The following SCN1A variants were observed in gnomAD, a reference collection of about 807,000 sequenced individuals.
SCN1A encodes the protein sodium channel protein type 1 subunit alpha.
In SCN1A, 13 loss-of-function variants were observed where a neutral mutation model predicts 193.7. That is an observed-to-expected ratio of 0.07 (90% CI 0.04 to 0.11). The LOEUF is 0.11. SCN1A is among the 10% of genes least tolerant of loss of function. The pLI, the probability that SCN1A is intolerant of heterozygous loss-of-function variation, is 1.00. For missense variants in SCN1A, 1,432 were observed against 2,451.1 expected (o/e 0.58, Z 8.78); for synonymous variants, 781 against 843.6 (o/e 0.93, Z 1.29).
At chr2:166,103,848 A>G (rs1688405595) in intron 2 of SCN1A, among the ~76,000 whole-genome samples, 1 of 152,260 alleles carries the variant, frequency 6.6e-6, no homozygotes, top group Non-Finnish European at 1.5e-5. Context: ...ATATATTATT[A>G]TCACTATTTT....
At position 166,073,632 on chromosome 2, in the gene SCN1A, T is replaced by C. The variant is rs1430509701; in HGVS notation, c.-11A>G. On this transcript the variant is annotated 5_prime_UTR_variant, in exon 4 of 29. Coordinates refer to ENST00000674923, the MANE Select transcript of SCN1A (RefSeq NM_001165963.4). ...CACTGTTTGCTCCATCTTGTCATCC[T>C]GCACATTTTAATTACCATTTATTCT... The C allele has an allele frequency of 6.2e-7, 1 of 1,613,940 alleles. No individual in the cohort carries two copies. Among genetic ancestry groups the C allele is most frequent in the Non-Finnish European group, 8.5e-7 (1 of 1,179,958 alleles).
chr2:166,020,702 A>T (rs1489263870), intron 19 of SCN1A, among the ~76,000 whole-genome samples: 1 of 152,240 alleles, frequency 6.6e-6, no homozygotes, highest in African/African-American at 2.4e-5. Flanking sequence ...CATGTACATT[A>T]AAAAACCATA....
intron 24 of SCN1A, 96 bp downstream of exon 24, chr2:166,002,376 T>G (rs1331032966): frequency 3.9e-6 from 5 of 1,269,386 alleles, no homozygotes; most frequent in Non-Finnish European, 5.4e-6. Context: ...GAAAGAAATA[T>G]ATACTTTTTC....
At chr2:166,009,446 T>G in intron 23 of SCN1A, 1 of 239,622 alleles carries the variant, frequency 4.2e-6, no homozygotes, top group Non-Finnish European at 8.3e-6. Flanking sequence ...CAGCTTTTTT[T>G]TGTATATAGA....
At chr2:166,036,576 G>A (rs547412744) in intron 18 of SCN1A, 46 bp from the exon 19 acceptor site, 21 of 1,575,634 alleles carry the variant, frequency 1.3e-5, no homozygotes, top group Admixed American at 3.4e-5. Context: ...CCAATGTAGG[G>A]AAGAGCAGAT....
intron 2 of SCN1A, among the ~76,000 whole-genome samples, chr2:166,107,339 C>T (rs908909790): frequency 1.3e-5 from 2 of 152,048 alleles, no homozygotes; most frequent in African/African-American, 2.4e-5. Context: ...TTCACTGTAT[C>T]GTGCAAAGTA....
At chr2:166,132,049 G>T (rs1012789839), upstream of SCN1A, among the ~76,000 whole-genome samples, 5 of 152,128 alleles carry the variant, frequency 3.3e-5, no homozygotes, top group Admixed American at 6.5e-5. Flanking sequence ...TCTTCCCACC[G>T]CAGGAAAGGA....
chr2:166,052,486 CTT>C (rs1222893833), intron 8 of SCN1A, among the ~76,000 whole-genome samples: 1 of 151,878 alleles, frequency 6.6e-6, no homozygotes, highest in East Asian at 1.9e-4. Flanking sequence ...ATTCCCTTCT[CTT>C]TTGTTAGCAA....
intron 19 of SCN1A, among the ~76,000 whole-genome samples, chr2:166,019,673 A>C (rs547798320): frequency 2.0e-5 from 3 of 152,262 alleles, no homozygotes; most frequent in African/African-American, 2.4e-5. Flanking sequence ...TTGTTTAACT[A>C]TAAATAAAAA....
chr2:166,074,225 A>G (rs138442559), intron 3 of SCN1A, among the ~76,000 whole-genome samples: 189 of 152,332 alleles, frequency 1.2e-3, no homozygotes, highest in Non-Finnish European at 2.1e-3. Flanking sequence ...AACTGGAACT[A>G]TGTCCTGCTC....
At chr2:166,014,963 A>G (rs914550543) in intron 20 of SCN1A, among the ~76,000 whole-genome samples, 2 of 151,772 alleles carry the variant, frequency 1.3e-5, no homozygotes, top group African/African-American at 4.8e-5. Context: ...TGATTTGTAT[A>G]GGGAATAGAA....
intron 2 of SCN1A, among the ~76,000 whole-genome samples, chr2:166,084,546 G>C (rs1685892229): frequency 6.6e-6 from 1 of 152,048 alleles, no homozygotes; most frequent in African/African-American, 2.4e-5. Flanking sequence ...GGCAATAATG[G>C]GAGAAAAAAT....
chr2:166,103,854 A>G (rs1286332401), intron 2 of SCN1A, among the ~76,000 whole-genome samples: 1 of 152,218 alleles, frequency 6.6e-6, no homozygotes, highest in Non-Finnish European at 1.5e-5. Flanking sequence ...TATTATCACT[A>G]TTTTACAGAT....
chr2:166,058,575 T>C lies in SCN1A; in HGVS notation c.378A>G (p.Val126=). The C allele has an allele frequency of 7.1e-6, 11 of 1,557,762 alleles. No individual in the cohort carries two copies. The highest frequency in any genetic ancestry group is 9.7e-6 in the Non-Finnish European group (11 of 1,129,330). Residue 126 remains valine, a synonymous_variant, in exon 5 of 29, where the codon GTA becomes GTG. Transcript: ENST00000674923. The stretch of plus-strand genomic sequence containing the variant: ...AATCACTTGAAAAAGGATATGAATG[T>C]ACCAAAATCTTAATAGCTATTTTCC... The part of the protein sequence containing the change: ...PLRKIAIKIL[V]HSLFSMLIMC...
chr2:166,085,374 C>T (rs1254653344), intron 2 of SCN1A, among the ~76,000 whole-genome samples: 3 of 152,112 alleles, frequency 2.0e-5, no homozygotes, highest in South Asian at 2.1e-4. Context: ...CTGCTGCAGC[C>T]AGAAGGATGT....
At chr2:166,015,476 A>G (rs896511626) in intron 20 of SCN1A, 131 bp downstream of exon 20, 43 of 1,102,494 alleles carry the variant, frequency 3.9e-5, no homozygotes, top group Non-Finnish European at 5.4e-5. Flanking sequence ...TTGTCTGTCA[A>G]CATATTAGAG....
Position 165,988,287 on chromosome 2 carries a change from C to A in SCN1A, c.*2958G>T, listed in dbSNP as rs925886294. ...CTGAAGCAAGGCACATCTTTGCTTC[C>A]TGCTGACTTTCATGAGCTGTTGAAT... On this transcript the variant is annotated 3_prime_UTR_variant, in exon 29 of 29. Transcript: ENST00000674923. 3 of 152,202 alleles carry A rather than the reference C, an allele frequency of 2.0e-5. No homozygotes were observed. Among genetic ancestry groups the A allele is most frequent in the Non-Finnish European group, 4.4e-5 (3 of 68,024 alleles). 9.4% of individuals were successfully genotyped at this position (152,202 alleles called of 1,614,324 possible).
chr2:166,014,650 A>T (rs1471445150), intron 20 of SCN1A, among the ~76,000 whole-genome samples: 1 of 151,312 alleles, frequency 6.6e-6, no homozygotes, highest in Non-Finnish European at 1.5e-5. Flanking sequence ...GGCAAAAAAA[A>T]AAAAAAGGAG....
At chr2:166,099,933 C>T (rs1268350158) in intron 2 of SCN1A, among the ~76,000 whole-genome samples, 16 of 117,384 alleles carry the variant, frequency 1.4e-4, no homozygotes, top group African/African-American at 2.1e-4. Flanking sequence ...AATGGCCATA[C>T]TGCCCAAGGT....
Sources: gnomAD v4.1 joint callset for allele counts (sites outside exome capture counted in the v4.1 genomes callset) on GRCh38, gnomAD v4.1.1 for gene constraint, MANE v1.5 for transcripts, NCBI Gene and HGNC (gene_info 2026-07-23, HGNC 2026-07-21) for gene names.